ITGA8: variants seen among roughly 807,000 people sequenced by gnomAD.
ITGA8 encodes the protein integrin subunit alpha 8, also known as integrin alpha-8.
In ITGA8, 91 loss-of-function variants were observed where a neutral mutation model predicts 142.3. The observed-to-expected ratio is 0.64, with a 90% CI of 0.54 to 0.76. The LOEUF (loss-of-function observed/expected upper bound fraction) is 0.76, where lower values mean the gene tolerates loss of function less well. ITGA8 is among the 30% of genes least tolerant of loss of function. The pLI, the probability that ITGA8 is intolerant of heterozygous loss-of-function variation, is 0.00. For synonymous variants in ITGA8, 505 were observed against 485.2 expected (o/e 1.04, Z -0.54); for missense variants, 1,406 against 1,327.7 (o/e 1.06, Z -0.92).
chr10:15,618,414 T>C (rs538176727), intron 13 of ITGA8, among the ~76,000 whole-genome samples: 2 of 152,340 alleles, frequency 1.3e-5, no homozygotes, highest in Admixed American at 6.5e-5. Context: ...AGGAATTAAA[T>C]TGGTGTAATA....
intron 28 of ITGA8, among the ~76,000 whole-genome samples, chr10:15,530,727 C>A (rs1833272323): frequency 6.6e-6 from 1 of 152,076 alleles, no homozygotes; most frequent in African/African-American, 2.4e-5. Context: ...CTTGACTAAC[C>A]ATGCTGTTTA....
At chr10:15,661,294 T>C (rs898980233) in intron 8 of ITGA8, among the ~76,000 whole-genome samples, 10 of 152,192 alleles carry the variant, frequency 6.6e-5, no homozygotes, top group African/African-American at 2.2e-4. Context: ...TGCACGCCTC[T>C]TGAGAATCTA....
intron 27 of ITGA8, among the ~76,000 whole-genome samples, chr10:15,534,679 TATAAG>T (rs1833382807): frequency 6.6e-6 from 1 of 150,898 alleles, no homozygotes; most frequent in African/African-American, 2.5e-5. Flanking sequence ...GTGATAGTGA[TATAAG>T]ATGAGGGCTA....
In ITGA8 at chr10:15,671,339, T is replaced by A. The variant is rs559922923; in HGVS notation, c.847+264A>T. On this transcript the variant is annotated intron_variant, in intron 8 of 29. Transcript: ENST00000378076. ...ACAGTATGGCATTTAGTCATCTATA[T>A]TTTTCATTCATAACATGGGATTATG... 3.9e-5 allele frequency among the ~76,000 whole-genome samples: 6 copies of A among 152,336 alleles called. No homozygotes were observed. The South Asian group carries it at 1.2e-3, about 32-fold the overall frequency.
intron 28 of ITGA8, among the ~76,000 whole-genome samples, chr10:15,527,906 C>CT (rs34758919): frequency 0.3 from 23,338 of 78,052 alleles, 9,787 homozygotes; most frequent in African/African-American, 0.37. Flanking sequence ...TTCGGCTGGG[C>CT]TTTTTTTTTT....
chr10:15,684,908 CTG>C (rs1834807801), intron 3 of ITGA8, among the ~76,000 whole-genome samples: 1 of 152,170 alleles, frequency 6.6e-6, no homozygotes, highest in Non-Finnish European at 1.5e-5. Context: ...TAGTAAACCT[CTG>C]TTTTGTGACG....
At chr10:15,629,625 C>A (rs557582022) in intron 13 of ITGA8, among the ~76,000 whole-genome samples, 1 of 152,004 alleles carries the variant, frequency 6.6e-6, no homozygotes, top group African/African-American at 2.4e-5. Flanking sequence ...AAATTTGGAG[C>A]CCTTAAAATT....
At chr10:15,522,748 A>C (rs972325470) in intron 28 of ITGA8, among the ~76,000 whole-genome samples, 1 of 152,224 alleles carries the variant, frequency 6.6e-6, no homozygotes, top group East Asian at 1.9e-4. Flanking sequence ...ACAGTGGCTC[A>C]TGCCTGTAAT....
At chr10:15,714,662 A>C (rs1835419192) in intron 2 of ITGA8, among the ~76,000 whole-genome samples, 1 of 152,232 alleles carries the variant, frequency 6.6e-6, no homozygotes, top group African/African-American at 2.4e-5. Flanking sequence ...AAATCAAGTT[A>C]TATGATAAGG....
At chr10:15,655,625 C>G (rs544320954) in intron 10 of ITGA8, among the ~76,000 whole-genome samples, 2 of 152,256 alleles carry the variant, frequency 1.3e-5, no homozygotes, top group African/African-American at 4.8e-5. Flanking sequence ...CTTGGACATC[C>G]TCTGGGGATG....
intron 11 of ITGA8, 41 bp from the exon 12 acceptor site, chr10:15,647,092 A>C: frequency 6.8e-7 from 1 of 1,478,870 alleles, no homozygotes; most frequent in South Asian, 1.1e-5. Flanking sequence ...GCTAGCAGAG[A>C]GTAGAGTCAC....
At chr10:15,622,729 A>G (rs1246876518) in intron 13 of ITGA8, among the ~76,000 whole-genome samples, 1 of 151,224 alleles carries the variant, frequency 6.6e-6, no homozygotes, top group Non-Finnish European at 1.5e-5. Flanking sequence ...GCACTTGGTA[A>G]AAAAAAAAGT....
intron 23 of ITGA8, among the ~76,000 whole-genome samples, chr10:15,583,936 C>A (rs1334500730): frequency 1.3e-5 from 2 of 152,126 alleles, no homozygotes; most frequent in African/African-American, 4.8e-5. Flanking sequence ...GGATTAGTGA[C>A]TAAACTCTAG....
intron 24 of ITGA8, among the ~76,000 whole-genome samples, chr10:15,574,494 G>A (rs1302683163): frequency 6.6e-6 from 1 of 151,956 alleles, no homozygotes; most frequent in Non-Finnish European, 1.5e-5. Context: ...AGGTTCAAGC[G>A]ATTCTCCTCC....
chr10:15,681,384 G>A (rs528072958), intron 4 of ITGA8, among the ~76,000 whole-genome samples: 7 of 152,134 alleles, frequency 4.6e-5, no homozygotes, highest in Non-Finnish European at 8.8e-5. Flanking sequence ...GAAAACTGTG[G>A]CTATACACCA....
chr10:15,638,800 A>G (rs1476805756), intron 13 of ITGA8, among the ~76,000 whole-genome samples: 1 of 152,190 alleles, frequency 6.6e-6, no homozygotes, highest in African/African-American at 2.4e-5. Flanking sequence ...AATTTGAAAC[A>G]GGGCAGCTGA....
At chr10:15,590,239 G>C (rs532858606) in intron 22 of ITGA8, among the ~76,000 whole-genome samples, 8 of 152,130 alleles carry the variant, frequency 5.3e-5, no homozygotes, top group Non-Finnish European at 1.2e-4. Flanking sequence ...TTAGATGAAG[G>C]GGAATGTTAA....
intron 15 of ITGA8, among the ~76,000 whole-genome samples, chr10:15,608,805 A>G (rs960166593): frequency 6.6e-6 from 1 of 152,100 alleles, no homozygotes; most frequent in African/African-American, 2.4e-5. Flanking sequence ...GTCATGCTAA[A>G]AAATGCAGAT....
At chr10:15,647,085 A>G (rs953288950) in intron 11 of ITGA8, 34 bp from the exon 12 acceptor site, 1 of 1,507,172 alleles carries the variant, frequency 6.6e-7, no homozygotes, top group Non-Finnish European at 9.2e-7. Flanking sequence ...TCAGCACGCT[A>G]GCAGAGAGTA....
Sources: gnomAD v4.1 joint callset for allele counts (sites outside exome capture counted in the v4.1 genomes callset) on GRCh38, gnomAD v4.1.1 for gene constraint, MANE v1.5 for transcripts, NCBI Gene and HGNC (gene_info 2026-07-23, HGNC 2026-07-21) for gene names.